RBKS: variants seen among roughly 807,000 people sequenced by gnomAD.
RBKS encodes the protein ribokinase.
Under a neutral mutation model 33.9 loss-of-function variants are expected in RBKS, and 33 were observed. The ratio of observed to expected loss-of-function variants is 0.97; its 90% CI spans 0.74 to 1.30. The LOEUF is 1.30. Ranked by LOEUF, RBKS falls within the 50% of genes most tolerant of loss-of-function variation. The probability of loss-of-function intolerance (pLI) is 0.00; values close to 1 mark genes in which losing one functional copy is unlikely to be tolerated. For synonymous variants in RBKS, 125 were observed against 143.0 expected (o/e 0.87, Z 0.90); for missense variants, 361 against 392.6 (o/e 0.92, Z 0.68).
intron 1 of RBKS, among the ~76,000 whole-genome samples, chr2:27,888,460 A>T (rs911212307): frequency 2.6e-5 from 4 of 152,112 alleles, no homozygotes; most frequent in African/African-American, 9.7e-5. Flanking sequence ...GCCACTTCAC[A>T]CATAAAATCA....
chr2:27,838,423 T>C (rs1287764379), intron 5 of RBKS, among the ~76,000 whole-genome samples: 1 of 152,192 alleles, frequency 6.6e-6, no homozygotes, highest in African/African-American at 2.4e-5. Flanking sequence ...CATTAAAATT[T>C]AGGTACCAAT....
chr2:27,861,947 ATTTTTTTTTT>A (rs763090773), intron 1 of RBKS, among the ~76,000 whole-genome samples: 1 of 113,726 alleles, frequency 8.8e-6, no homozygotes, highest in East Asian at 2.4e-4. Flanking sequence ...GCCTGGCCTG[ATTTTTTTTTT>A]TTTTTTTTTT....
intron 5 of RBKS, among the ~76,000 whole-genome samples, chr2:27,834,822 A>AT (rs1344755533): frequency 6.6e-6 from 1 of 152,250 alleles, no homozygotes; most frequent in East Asian, 1.9e-4. Flanking sequence ...TAAAAGATCA[A>AT]TTTTTTCCCT....
intron 1 of RBKS, among the ~76,000 whole-genome samples, chr2:27,880,633 A>C (rs1664400998): frequency 6.6e-6 from 1 of 152,230 alleles, no homozygotes; most frequent in Admixed American, 6.5e-5. Flanking sequence ...GTCAAGCCAA[A>C]GCCTAATTAA....
intron 7 of RBKS, among the ~76,000 whole-genome samples, chr2:27,793,504 G>A (rs989753554): frequency 6.6e-6 from 1 of 152,226 alleles, no homozygotes; most frequent in Non-Finnish European, 1.5e-5. Flanking sequence ...GGTCACGGAT[G>A]TAGTATTCCT....
At chr2:27,833,932 C>T (rs1678470215) in intron 5 of RBKS, among the ~76,000 whole-genome samples, 1 of 152,180 alleles carries the variant, frequency 6.6e-6, no homozygotes, top group South Asian at 2.1e-4. Flanking sequence ...AAATCTCTAG[C>T]TGCAGTTCTC....
intron 1 of RBKS, among the ~76,000 whole-genome samples, chr2:27,871,070 C>T (rs1047740618): frequency 6.6e-6 from 1 of 152,152 alleles, no homozygotes; most frequent in African/African-American, 2.4e-5. Context: ...CTTGTGCCAC[C>T]TTTTTAACTG....
intron 5 of RBKS, among the ~76,000 whole-genome samples, chr2:27,841,563 C>T (rs1221349020): frequency 1.3e-5 from 2 of 152,176 alleles, no homozygotes; most frequent in Non-Finnish European, 2.9e-5. Context: ...ATTAAAAATA[C>T]ACTAAATGTC....
intron 7 of RBKS, among the ~76,000 whole-genome samples, chr2:27,824,031 T>G (rs1308196379): frequency 6.6e-6 from 1 of 152,204 alleles, no homozygotes; most frequent in African/African-American, 2.4e-5. Flanking sequence ...CCATACTCAT[T>G]AGTAGTCACT....
chr2:27,862,444 G>A (rs7595986), intron 1 of RBKS, among the ~76,000 whole-genome samples: 98,820 of 151,934 alleles, frequency 0.65, 33,913 homozygotes, highest in Middle Eastern at 0.8. Flanking sequence ...GATACCACTT[G>A]TCACTACATC....
intron 4 of RBKS, among the ~76,000 whole-genome samples, chr2:27,844,303 G>A (rs1251626121): frequency 6.6e-6 from 1 of 151,386 alleles, no homozygotes; most frequent in Non-Finnish European, 1.5e-5. Context: ...GTCCACTGAG[G>A]TGTGCTTCAA....
chr2:27,890,079 T>TAC lies in RBKS; in HGVS notation c.89+176_89+177dup, dbSNP rs757863198. 12 of 587,828 alleles carry TAC rather than the reference T, an allele frequency of 2.0e-5. No homozygotes were observed. The highest frequency in any genetic ancestry group is 3.6e-5 in the Non-Finnish European group (12 of 330,644). 36.4% of individuals were successfully genotyped at this position (587,828 alleles called of 1,614,324 possible). On this transcript the variant is annotated intron_variant, in intron 1 of 7. Transcript: ENST00000302188. This position sits in a 1 kb window ranked among gnomAD's most constrained non-coding sequence, Gnocchi z 4.8. ...CCCTCCCCTGAGATTTACCTTTATATACTCAAGTTCTTTCATGCCAGGAAG... is the reference window on the plus strand; with the variant it reads ...CCCTCCCCTGAGATTTACCTTTATATACACTCAAGTTCTTTCATGCCAGGAAG...
chr2:27,846,060 G>A (rs1011530203), intron 4 of RBKS, among the ~76,000 whole-genome samples: 2 of 152,054 alleles, frequency 1.3e-5, no homozygotes. Context: ...CGCCTTGTGA[G>A]TTCAAGCGAT....
chr2:27,823,403 G>A (rs185320452), intron 7 of RBKS, among the ~76,000 whole-genome samples: 1 of 152,284 alleles, frequency 6.6e-6, no homozygotes, highest in African/African-American at 2.4e-5. Context: ...GCCTTGAGTG[G>A]ACAACATGCC....
At position 27,795,549 on chromosome 2, in the gene RBKS, ACAACATTGACCT is replaced by A. The variant is rs1336442023; in HGVS notation, c.796-13773_796-13762del. 3.3e-5 allele frequency among the ~76,000 whole-genome samples: 5 copies of A among 152,190 alleles called. No homozygotes were observed. The highest frequency in any genetic ancestry group is 2.0e-4 in the Admixed American group (3 of 15,296). On this transcript the variant is annotated intron_variant, in intron 7 of 7. Transcript: ENST00000302188. This position sits in a 1 kb window ranked among gnomAD's most constrained non-coding sequence, Gnocchi z 4.1. ...GCCGGGTATTTATATACACACACAC[ACAACATTGACCT>A]CATTTCATCTTCACACTGACCCTGC... is the stretch of plus-strand genomic sequence containing the variant.
chr2:27,886,135 A>G (rs1664523260), intron 1 of RBKS, among the ~76,000 whole-genome samples: 1 of 152,192 alleles, frequency 6.6e-6, no homozygotes, highest in South Asian at 2.1e-4. Flanking sequence ...AATAATTTCA[A>G]TTGTTTGCCA....
chr2:27,846,276 AATTCATTCATTC>A (rs903070845), intron 4 of RBKS, among the ~76,000 whole-genome samples: 4 of 152,034 alleles, frequency 2.6e-5, no homozygotes, highest in South Asian at 2.1e-4. Flanking sequence ...CCTCTGTTTT[AATTCATTCATTC>A]ATTCATTCAT....
At chr2:27,874,097 G>A (rs1664267455) in intron 1 of RBKS, among the ~76,000 whole-genome samples, 1 of 152,144 alleles carries the variant, frequency 6.6e-6, no homozygotes, top group African/African-American at 2.4e-5. Flanking sequence ...GTCATAAGAG[G>A]AACCTTCTAC....
chr2:27,798,337 A>G (rs1389770983), intron 7 of RBKS, among the ~76,000 whole-genome samples: 1 of 152,112 alleles, frequency 6.6e-6, no homozygotes, highest in African/African-American at 2.4e-5. Context: ...TCTTGCAGGC[A>G]ACTCTAACTC....
Sources: gnomAD v4.1 joint callset for allele counts (sites outside exome capture counted in the v4.1 genomes callset) on GRCh38, gnomAD v4.1.1 for gene constraint, Gnocchi (gnomAD v3.1) non-coding constraint, MANE v1.5 for transcripts, NCBI Gene and HGNC (gene_info 2026-07-23, HGNC 2026-07-21) for gene names.